Variants in GTF3C1 observed in about 807,000 individuals in gnomAD.
GTF3C1 encodes the protein general transcription factor IIIC subunit 1.
GTF3C1 carries 57 observed loss-of-function variants against 226.7 expected under a neutral mutation model. The ratio of observed to expected loss-of-function variants is 0.25; its 90% CI spans 0.20 to 0.31. The LOEUF (loss-of-function observed/expected upper bound fraction) is 0.31. Among genes scored for constraint, GTF3C1 ranks in the 10% least tolerant of loss-of-function variants. The pLI is 1.00. For synonymous variants in GTF3C1, 1,090 were observed against 1,084.8 expected, an observed-to-expected ratio of 1.00 and a Z score of -0.09; for missense variants, 2,217 against 2,776.1, an observed-to-expected ratio of 0.80 and a Z score of 4.53.
intron 34 of GTF3C1, 94 bp downstream of exon 34, chr16:27,464,226 C>T (rs2087747204): frequency 2.7e-6 from 2 of 741,264 alleles, no homozygotes; most frequent in South Asian, 3.7e-5. Flanking sequence ...TGGCAGGTCC[C>T]CCATCCTCGG....
intron 1 of GTF3C1, among the ~76,000 whole-genome samples, chr16:27,548,559 C>G (rs556023496): frequency 6.6e-6 from 1 of 152,206 alleles, no homozygotes; most frequent in Non-Finnish European, 1.5e-5. Flanking sequence ...GCTGCTGCAC[C>G]CGGCCTGTCT....
At chr16:27,477,965 T>C (rs1353619682) in intron 28 of GTF3C1, among the ~76,000 whole-genome samples, 1 of 151,922 alleles carries the variant, frequency 6.6e-6, no homozygotes, top group Non-Finnish European at 1.5e-5. Flanking sequence ...AGGCCAGGAG[T>C]TCCAGACCAG....
intron 12 of GTF3C1, 31 bp from the exon 13 acceptor site, chr16:27,498,764 G>A (rs765551857): frequency 7.4e-6 from 8 of 1,077,290 alleles, no homozygotes; most frequent in Non-Finnish European, 1.2e-5. Flanking sequence ...ATCCCACAGG[G>A]TGAGGGAAGA....
intron 29 of GTF3C1, among the ~76,000 whole-genome samples, chr16:27,473,111 T>G (rs1223165864): frequency 6.6e-6 from 1 of 152,198 alleles, no homozygotes. Flanking sequence ...TTTTTCACCA[T>G]GTTGCCCAGG....
At chr16:27,525,222 T>C (rs976482629) in intron 6 of GTF3C1, among the ~76,000 whole-genome samples, 1 of 144,188 alleles carries the variant, frequency 6.9e-6, no homozygotes, top group Admixed American at 6.7e-5. Context: ...TACTGAGGAA[T>C]CACCTAACAG....
At chr16:27,529,405 C>A (rs2088881614) in intron 5 of GTF3C1, among the ~76,000 whole-genome samples, 1 of 149,778 alleles carries the variant, frequency 6.7e-6, no homozygotes, top group Non-Finnish European at 1.5e-5. Flanking sequence ...TGCACCACTG[C>A]ACTCCAGCCT....
chr16:27,535,588 A>G (rs1190780505), intron 4 of GTF3C1, among the ~76,000 whole-genome samples: 2 of 151,944 alleles, frequency 1.3e-5, no homozygotes, highest in African/African-American at 2.4e-5. Context: ...AAAAAAAAAA[A>G]AAAAGCCATG....
At chr16:27,527,946 C>T (rs2088857966) in intron 6 of GTF3C1, among the ~76,000 whole-genome samples, 1 of 151,202 alleles carries the variant, frequency 6.6e-6, no homozygotes, top group Non-Finnish European at 1.5e-5. Context: ...TGCACACCAG[C>T]CTGGGCAACA....
chr16:27,499,654 C>G (rs1226017210), intron 12 of GTF3C1, among the ~76,000 whole-genome samples: 1 of 152,204 alleles, frequency 6.6e-6, no homozygotes, highest in African/African-American at 2.4e-5. Context: ...ACCCTGCCCC[C>G]ACCCCCAACC....
At chr16:27,467,614 A>G (rs1396433413) in intron 32 of GTF3C1, among the ~76,000 whole-genome samples, 1 of 152,214 alleles carries the variant, frequency 6.6e-6, no homozygotes, top group African/African-American at 2.4e-5. Context: ...TCACGCCTGT[A>G]ATCCCAGCAC....
At chr16:27,528,850 G>C in intron 5 of GTF3C1, 129 bp from the exon 6 acceptor site, 1 of 900,860 alleles carries the variant, frequency 1.1e-6, no homozygotes, top group African/African-American at 1.7e-5. Flanking sequence ...AATGAGGAAA[G>C]CCTGCCAAGC....
At chr16:27,497,890 T>C in intron 13 of GTF3C1, 69 bp from the exon 14 acceptor site, 3 of 1,288,920 alleles carry the variant, frequency 2.3e-6, no homozygotes, top group Non-Finnish European at 3.3e-6. Flanking sequence ...ACAGAGTCTG[T>C]CTGCATGAAT....
chr16:27,507,351 C>T lies in GTF3C1; in HGVS notation c.1243-195G>A, dbSNP rs1229252058. On this transcript the variant is annotated intron_variant, in intron 8 of 36. Coordinates refer to ENST00000356183, the MANE Select transcript of GTF3C1 (RefSeq NM_001520.4). The surrounding 1 kb of genome is among the most constrained non-coding windows in gnomAD (Gnocchi z 4.9). ...TGTAATCCCCCAGGTCTTCCTTCCA[C>T]AGAGATCCTTCTCTGAAGTACAACC... Among the ~76,000 whole-genome samples, 1 of 152,214 alleles carries T rather than the reference C, an allele frequency of 6.6e-6. No individual in the cohort carries two copies. Among genetic ancestry groups the T allele is most frequent in the Non-Finnish European group, 1.5e-5 (1 of 68,040 alleles).
At position 27,469,738 on chromosome 16, in the gene GTF3C1, C is replaced by T. The variant is rs1000933117; in HGVS notation, c.4815-188G>A. Among the ~76,000 whole-genome samples the T allele has an allele frequency of 1.3e-5, 2 of 152,106 alleles. No homozygotes were observed. Among genetic ancestry groups the T allele is most frequent in the African/African-American group, 4.8e-5 (2 of 41,384 alleles). ...ATCCCCTTTCCCACCTTCCCGTGCA[C>T]CGCGCTCACCCCTTGTCACATAGCT... is the stretch of plus-strand genomic sequence containing the variant. On this transcript the variant is annotated intron_variant, in intron 31 of 36. Coordinates refer to ENST00000356183, the MANE Select transcript of GTF3C1 (RefSeq NM_001520.4). This position sits in a 1 kb window ranked among gnomAD's most constrained non-coding sequence, Gnocchi z 4.5.
intron 32 of GTF3C1, among the ~76,000 whole-genome samples, chr16:27,468,885 C>G (rs558208705): frequency 1.3e-5 from 2 of 152,228 alleles, no homozygotes; most frequent in South Asian, 4.1e-4. Flanking sequence ...AAGATAATAC[C>G]TAAAAGTTTC....
chr16:27,484,905 G>A (rs2141369712), intron 24 of GTF3C1, among the ~76,000 whole-genome samples: 1 of 152,350 alleles, frequency 6.6e-6, no homozygotes, highest in East Asian at 1.9e-4. Flanking sequence ...CAAAAAGTCT[G>A]TAAGTTCTGG....
chr16:27,542,438 G>A (rs2089098376), intron 2 of GTF3C1, among the ~76,000 whole-genome samples: 1 of 152,100 alleles, frequency 6.6e-6, no homozygotes, highest in African/African-American at 2.4e-5. Flanking sequence ...GCAGGTCCCT[G>A]TAAACCCAGC....
chr16:27,523,889 G>C (rs866383470), intron 6 of GTF3C1, among the ~76,000 whole-genome samples: 1 of 152,144 alleles, frequency 6.6e-6, no homozygotes, highest in African/African-American at 2.4e-5. Context: ...ATGGCTCCTT[G>C]TGCATGCATG....
In GTF3C1 at chr16:27,498,698, G is replaced by A. The variant is rs763048256; in HGVS notation, c.2097C>T (p.Asn699=). The change falls in exon 13 of 37, where the codon AAC becomes AAT. Residue 699 remains asparagine, a synonymous_variant. Transcript: ENST00000356183. ...CGATGGCACTTCTCACTAGAGGGTCGTTCTGGTCCATGGACGGGTGCACCA... is the reference window on the plus strand; with the variant it reads ...CGATGGCACTTCTCACTAGAGGGTCATTCTGGTCCATGGACGGGTGCACCA... ...DLVVHPSMDQ[N]DPLVRSAIEQ... The A allele has an allele frequency of 1.4e-5, 22 of 1,603,870 alleles. No individual in the cohort carries two copies. The highest frequency in any genetic ancestry group is 1.2e-4 in the South Asian group (11 of 90,892).
Sources: allele counts gnomAD v4.1 joint callset (sites outside exome capture counted in the v4.1 genomes callset), GRCh38; gene constraint gnomAD v4.1.1; non-coding constraint Gnocchi (gnomAD v3.1); transcripts MANE v1.5; gene names NCBI Gene and HGNC (gene_info 2026-07-23, HGNC 2026-07-21).